The following HBS1L variants were observed in gnomAD, a reference collection of about 807,000 sequenced individuals.
HBS1L encodes HBS1 like translational GTPase, also known as HBS1-like protein.
Under a neutral mutation model 88.9 loss-of-function variants are expected in HBS1L, and 55 were observed. The ratio of observed to expected loss-of-function variants is 0.62; its 90% confidence interval spans 0.50 to 0.77. The LOEUF is 0.77. Ranked by LOEUF, HBS1L falls within the 30% of genes least tolerant of loss-of-function variation. The probability of loss-of-function intolerance (pLI) is 0.00; values close to 1 mark genes in which losing one functional copy is unlikely to be tolerated. For missense variants in HBS1L, 741 were observed against 829.3 expected (o/e 0.89, Z 1.31); for synonymous variants, 267 against 288.5 (o/e 0.93, Z 0.76).
chr6:135,054,455 G>A (rs1053718934), intron 1 of HBS1L, among the ~76,000 whole-genome samples, 194 bp downstream of exon 1: 2 of 152,178 alleles, frequency 1.3e-5, no homozygotes, highest in African/African-American at 4.8e-5. Context: ...ATCAACCCCA[G>A]AGGGCAGAAA....
Position 135,024,357 on chromosome 6 carries a change from G to A in HBS1L, c.430+15216C>T, listed in dbSNP as rs138256626. ...CCGGAGGCTGAGGCAGAAGAATGGCGTGAACCCAGGAGGCAGAGCTTGCAG... is the reference window on the plus strand; with the variant it reads ...CCGGAGGCTGAGGCAGAAGAATGGCATGAACCCAGGAGGCAGAGCTTGCAG... On this transcript the variant is annotated intron_variant, in intron 4 of 17. Coordinates refer to ENST00000367837, the MANE Select transcript of HBS1L (RefSeq NM_006620.4). 4.8e-3 allele frequency among the ~76,000 whole-genome samples: 715 copies of A among 149,504 alleles called. 2 individuals are homozygous for A. Among genetic ancestry groups the A allele is most frequent in the African/African-American group, 0.016 (668 of 40,660 alleles).
At chr6:135,014,855 A>C (rs1325153825) in intron 4 of HBS1L, among the ~76,000 whole-genome samples, 2 of 138,490 alleles carry the variant, frequency 1.4e-5, no homozygotes, top group African/African-American at 6.4e-5. Context: ...TCTCTACAAA[A>C]AAAAAAAAAA....
chr6:134,975,819 C>T (rs145040818), intron 15 of HBS1L, among the ~76,000 whole-genome samples: 11 of 152,186 alleles, frequency 7.2e-5, no homozygotes, highest in African/African-American at 2.2e-4. Context: ...TGGAGGAAAA[C>T]CTGGGAGAGG....
chr6:135,028,883 T>C (rs1776310510), intron 4 of HBS1L, among the ~76,000 whole-genome samples: 2 of 152,008 alleles, frequency 1.3e-5, no homozygotes. Flanking sequence ...CTTTTTTTAG[T>C]AACAAGACAA....
At chr6:135,003,564 C>A (rs1775524571) in intron 4 of HBS1L, among the ~76,000 whole-genome samples, 1 of 123,154 alleles carries the variant, frequency 8.1e-6, no homozygotes, top group Non-Finnish European at 1.8e-5. Context: ...AAGACTCCAT[C>A]TCTTAAAAAA....
intron 2 of HBS1L, among the ~76,000 whole-genome samples, chr6:135,043,361 T>C (rs535956544): frequency 6.6e-6 from 1 of 152,358 alleles, no homozygotes; most frequent in African/African-American, 2.4e-5. Context: ...GTTCATTGAC[T>C]TGTGTATAGA....
intron 15 of HBS1L, among the ~76,000 whole-genome samples, chr6:134,977,081 A>T (rs1041872327): frequency 5.9e-5 from 9 of 151,840 alleles, no homozygotes; most frequent in East Asian, 3.9e-4. Flanking sequence ...TGCTTAAAAA[A>T]TTTTTTTTCA....
chr6:134,966,208 G>C (rs138764591), intron 17 of HBS1L, 121 bp downstream of exon 17: 14,793 of 816,216 alleles, frequency 0.018, 192 homozygotes, highest in Non-Finnish European at 0.021. Flanking sequence ...AATGAGTAAG[G>C]CTTCTCCTAA....
intron 4 of HBS1L, chr6:135,036,683 G>C: frequency 6.4e-7 from 1 of 1,551,090 alleles, no homozygotes; most frequent in Non-Finnish European, 8.7e-7. Flanking sequence ...TCTTGAACTT[G>C]TCTACTATAA....
intron 15 of HBS1L, among the ~76,000 whole-genome samples, chr6:134,977,819 T>C (rs1774694027): frequency 6.6e-6 from 1 of 151,776 alleles, no homozygotes; most frequent in South Asian, 2.1e-4. Context: ...GAAAAAAAAG[T>C]CTAATGGGAA....
intron 13 of HBS1L, 26 bp downstream of exon 13, chr6:134,982,432 A>G: frequency 7.0e-7 from 1 of 1,426,436 alleles, no homozygotes; most frequent in Admixed American, 1.7e-5. Flanking sequence ...AGGCTTGTTT[A>G]GCAAAAGCAT....
chr6:135,001,330 C>T (rs771615630), intron 5 of HBS1L, among the ~76,000 whole-genome samples: 1 of 152,080 alleles, frequency 6.6e-6, no homozygotes, highest in African/African-American at 2.4e-5. Flanking sequence ...TACCCATTAT[C>T]TTTATAATTA....
intron 1 of HBS1L, among the ~76,000 whole-genome samples, chr6:135,051,601 C>G (rs1583166598): frequency 1.3e-5 from 2 of 152,178 alleles, no homozygotes; most frequent in Admixed American, 1.3e-4. Context: ...GCAGTAAGCC[C>G]CTCTGCTACT....
chr6:135,036,325 A>G, intron 4 of HBS1L: 1 of 1,105,392 alleles, frequency 9.0e-7, no homozygotes, highest in Non-Finnish European at 1.1e-6. Context: ...TTCCATATCC[A>G]CTTTGTAAAC....
rs80197823 is a variant in HBS1L, at chr6:134,972,074, C to T, written c.1798-2736G>A. Among the ~76,000 whole-genome samples the T allele has an allele frequency of 3.5e-3, 534 of 152,200 alleles. 2 individuals are homozygous for T. The highest frequency in any genetic ancestry group is 0.024 in the Middle Eastern group (7 of 294). On this transcript the variant is annotated intron_variant, in intron 15 of 17. Transcript: ENST00000367837. ...AGTGTTGTTCCCTTCTGTTATGTAACTTGTATGCATTATTTACCTTTCTAA... is the reference window on the plus strand; with the variant it reads ...AGTGTTGTTCCCTTCTGTTATGTAATTTGTATGCATTATTTACCTTTCTAA...
At chr6:135,025,358 A>G (rs1225159082) in intron 4 of HBS1L, among the ~76,000 whole-genome samples, 1 of 152,236 alleles carries the variant, frequency 6.6e-6, no homozygotes, top group Non-Finnish European at 1.5e-5. Flanking sequence ...GTACCTCTGA[A>G]GGACCCAACA....
At chr6:135,022,412 T>C (rs1282884295) in intron 4 of HBS1L, among the ~76,000 whole-genome samples, 1 of 152,108 alleles carries the variant, frequency 6.6e-6, no homozygotes, top group African/African-American at 2.4e-5. Flanking sequence ...TTCATGAAGA[T>C]ACACAGTTTT....
intron 4 of HBS1L, among the ~76,000 whole-genome samples, chr6:135,012,633 G>A (rs1030077880): frequency 1.4e-4 from 22 of 151,978 alleles, no homozygotes; most frequent in Non-Finnish European, 2.6e-4. Flanking sequence ...TAACACGACC[G>A]CAATTTACCC....
chr6:135,030,940 CAGA>C (rs1294903083), intron 4 of HBS1L, among the ~76,000 whole-genome samples: 1 of 152,076 alleles, frequency 6.6e-6, no homozygotes, highest in African/African-American at 2.4e-5. Flanking sequence ...TGCAATTTCA[CAGA>C]AGGTGACGTC....
Sources: gnomAD v4.1 joint callset for allele counts (sites outside exome capture counted in the v4.1 genomes callset) on GRCh38, gnomAD v4.1.1 for gene constraint, MANE v1.5 for transcripts, NCBI Gene and HGNC (gene_info 2026-07-23, HGNC 2026-07-21) for gene names.